Variants in PPFIA2 observed in about 807,000 individuals in gnomAD.
The protein encoded by PPFIA2 is liprin-alpha-2.
A neutral mutation model predicts 175.5 loss-of-function variants in PPFIA2; 46 were observed. The observed-to-expected ratio is 0.26, with a 90% CI of 0.21 to 0.34. PPFIA2 has a LOEUF of 0.34. Ranked by LOEUF, PPFIA2 falls within the 10% of genes least tolerant of loss-of-function variation. The pLI, the probability that PPFIA2 is intolerant of heterozygous loss-of-function variation, is 1.00. For missense variants in PPFIA2, 1,179 were observed against 1,506.1 expected (o/e 0.78, Z 3.60); for synonymous variants, 568 against 511.4 (o/e 1.11, Z -1.49).
chr12:81,659,151 G>A (rs1440027736), intron 4 of PPFIA2, among the ~76,000 whole-genome samples: 5 of 152,206 alleles, frequency 3.3e-5, no homozygotes, highest in African/African-American at 4.8e-5. Flanking sequence ...TGCAGAAGAC[G>A]GATGATTTCT....
chr12:81,305,868 T>C (rs1399067096), intron 22 of PPFIA2, among the ~76,000 whole-genome samples: 1 of 152,188 alleles, frequency 6.6e-6, no homozygotes, highest in Non-Finnish European at 1.5e-5. Context: ...AAAATGAAAT[T>C]CATTAGTTAC....
intron 7 of PPFIA2, 107 bp downstream of exon 7, chr12:81,439,864 GA>G: frequency 1.1e-6 from 1 of 946,582 alleles, no homozygotes; most frequent in Non-Finnish European, 1.6e-6. Flanking sequence ...GGCATAGACA[GA>G]ATGTAATTTA....
chr12:81,576,080 T>C (rs368794116), intron 4 of PPFIA2, among the ~76,000 whole-genome samples: 2 of 151,628 alleles, frequency 1.3e-5, no homozygotes, highest in South Asian at 2.1e-4. Flanking sequence ...CCATTTCACG[T>C]GACCACACCA....
At chr12:81,403,276 T>C (rs1432009294) in intron 8 of PPFIA2, among the ~76,000 whole-genome samples, 1 of 152,182 alleles carries the variant, frequency 6.6e-6, no homozygotes, top group Admixed American at 6.5e-5. Context: ...TTGCTTTGGG[T>C]CACCAATGTC....
chr12:81,366,292 C>G (rs2033407994), intron 14 of PPFIA2, among the ~76,000 whole-genome samples: 1 of 151,492 alleles, frequency 6.6e-6, no homozygotes, highest in Non-Finnish European at 1.5e-5. Context: ...ATTTCACAAT[C>G]TGCCCTTAGT....
intron 23 of PPFIA2, among the ~76,000 whole-genome samples, chr12:81,298,765 T>C (rs569354917): frequency 3.9e-5 from 6 of 152,240 alleles, no homozygotes; most frequent in Non-Finnish European, 7.3e-5. Context: ...TCTTCTTTTA[T>C]TGTAGCATTC....
chr12:81,375,862 G>T lies in PPFIA2; in HGVS notation c.1065C>A (p.Thr355=). ...KRYLSAQRES[T]SIHDMNDKLE... is the part of the protein sequence containing the mutation. ...GTTTATCATTCATGTCATGTATGGA[G>T]GTAGATTCTCTCTGAGCACTGAGGT... The change falls in exon 10 of 33, where the codon ACC becomes ACA. Residue 355 remains threonine, a synonymous_variant. Transcript: ENST00000549396. 3.1e-6 allele frequency: 5 copies of T among 1,607,962 alleles called. No individual in the cohort carries two copies. Among genetic ancestry groups the T allele is most frequent in the Non-Finnish European group, 4.3e-6 (5 of 1,174,686 alleles).
chr12:81,259,431 A>C lies in PPFIA2; in HGVS notation c.*263T>G, dbSNP rs774143082. The C allele has an allele frequency of 1.4e-5, 9 of 661,344 alleles. No homozygotes were observed. The South Asian group carries it at 1.5e-4, about 11-fold the overall frequency. 41.0% of individuals were successfully genotyped at this position (661,344 alleles called of 1,614,324 possible). ...TTTCATAAAAGCATCTGTTGTACAG[A>C]GTTTATGATGTAGATGATGTTTATT... On this transcript the variant is annotated 3_prime_UTR_variant, in exon 33 of 33. Transcript: ENST00000549396.
At chr12:81,355,546 A>C (rs1251059424) in intron 16 of PPFIA2, among the ~76,000 whole-genome samples, 1 of 152,172 alleles carries the variant, frequency 6.6e-6, no homozygotes, top group Non-Finnish European at 1.5e-5. Context: ...ATCTTCTTCC[A>C]ATGGAAGGTG....
chr12:81,578,328 G>T (rs757093315), intron 4 of PPFIA2, among the ~76,000 whole-genome samples: 17 of 151,644 alleles, frequency 1.1e-4, no homozygotes, highest in South Asian at 2.1e-4. Flanking sequence ...TTTGGGGGTT[G>T]TCCTTGAGGT....
intron 3 of PPFIA2, among the ~76,000 whole-genome samples, chr12:81,747,954 C>T (rs2083271577): frequency 1.4e-5 from 2 of 144,242 alleles, no homozygotes; most frequent in South Asian, 4.5e-4. Context: ...TTCTGAAACA[C>T]ATTCTCATAC....
chr12:81,520,066 T>G (rs1008496606), intron 4 of PPFIA2, among the ~76,000 whole-genome samples: 7 of 152,208 alleles, frequency 4.6e-5, no homozygotes, highest in African/African-American at 7.2e-5. Context: ...TGTGAGATGA[T>G]ATAATGTCTA....
chr12:81,488,826 T>G (rs2059123911), intron 4 of PPFIA2, among the ~76,000 whole-genome samples: 1 of 151,848 alleles, frequency 6.6e-6, no homozygotes, highest in East Asian at 1.9e-4. Context: ...CACATGACTC[T>G]GAAGGGATGG....
intron 4 of PPFIA2, among the ~76,000 whole-genome samples, chr12:81,462,204 A>G (rs945879193): frequency 2.7e-5 from 4 of 145,590 alleles, no homozygotes; most frequent in African/African-American, 7.4e-5. Flanking sequence ...ATATTGAAAT[A>G]TGCTATATTC....
At chr12:81,576,031 G>T (rs1242839192) in intron 4 of PPFIA2, among the ~76,000 whole-genome samples, 1 of 151,574 alleles carries the variant, frequency 6.6e-6, no homozygotes, top group African/African-American at 2.4e-5. Flanking sequence ...CCTTACATTA[G>T]CAGGTGAACA....
chr12:81,510,268 A>C (rs1430076176), intron 4 of PPFIA2, among the ~76,000 whole-genome samples: 1 of 152,100 alleles, frequency 6.6e-6, no homozygotes, highest in African/African-American at 2.4e-5. Context: ...TGTGAGCTCC[A>C]ATCACACTTC....
At position 81,268,053 on chromosome 12, in the gene PPFIA2, G is replaced by A; in HGVS notation, c.3345C>T (p.Arg1115=). The change falls in exon 29 of 33, where the codon CGC becomes CGT. Residue 1115 remains arginine, a synonymous_variant. Transcript: ENST00000549396. The part of the protein sequence containing the change: ...VLVWSNDRVI[R]WIQAIGLREY... ...CTCGAAGTCCAATTGCTTGTATCCA[G>A]CGAATAACTCGGTCATTGCTCCACA... 6.3e-7 allele frequency: 1 copy of A among 1,598,056 alleles called. No individual in the cohort carries two copies. The highest frequency in any genetic ancestry group is 8.5e-7 in the Non-Finnish European group (1 of 1,171,652).
chr12:81,342,877 A>T (rs1566283247), intron 19 of PPFIA2, among the ~76,000 whole-genome samples: 1 of 151,844 alleles, frequency 6.6e-6, no homozygotes, highest in Non-Finnish European at 1.5e-5. Flanking sequence ...AGCTTCTAAA[A>T]ACAGCATGGC....
chr12:81,455,417 G>A (rs1033417868), intron 5 of PPFIA2, among the ~76,000 whole-genome samples: 1 of 152,162 alleles, frequency 6.6e-6, no homozygotes, highest in Non-Finnish European at 1.5e-5. Flanking sequence ...AGGTAGAAAT[G>A]TATTTTCCAG....
Sources: gnomAD v4.1 joint callset for allele counts (sites outside exome capture counted in the v4.1 genomes callset) on GRCh38, gnomAD v4.1.1 for gene constraint, MANE v1.5 for transcripts, NCBI Gene and HGNC (gene_info 2026-07-23, HGNC 2026-07-21) for gene names.